EIF2AK1: variants seen among roughly 807,000 people sequenced by gnomAD.
EIF2AK1 encodes eukaryotic translation initiation factor 2 alpha kinase 1, also known as eukaryotic translation initiation factor 2-alpha kinase 1.
A neutral mutation model predicts 77.9 loss-of-function variants in EIF2AK1; 54 were observed. That is an observed-to-expected ratio of 0.69 (90% CI 0.56 to 0.87). EIF2AK1 has a LOEUF of 0.87. Ranked by LOEUF, EIF2AK1 falls within the 40% of genes least tolerant of loss-of-function variation. The pLI is 0.00. For synonymous variants in EIF2AK1, 314 were observed against 290.5 expected (o/e 1.08, Z -0.82); for missense variants, 810 against 768.6 (o/e 1.05, Z -0.64).
At chr7:6,048,697 A>T in intron 4 of EIF2AK1, 110 bp downstream of exon 4, 1 of 899,544 alleles carries the variant, frequency 1.1e-6, no homozygotes, top group Non-Finnish European at 1.7e-6. Flanking sequence ...AAAGTTTTTA[A>T]TGTTCATAAA....
chr7:6,057,118 C>A (rs1245055189), intron 1 of EIF2AK1, among the ~76,000 whole-genome samples: 1 of 149,016 alleles, frequency 6.7e-6, no homozygotes, highest in Admixed American at 6.8e-5. Context: ...CAAAAGGAGA[C>A]CCCATCTCTT....
At chr7:6,056,099 C>G (rs891894261) in intron 1 of EIF2AK1, among the ~76,000 whole-genome samples, 5 of 151,076 alleles carry the variant, frequency 3.3e-5, no homozygotes, top group Non-Finnish European at 7.4e-5. Flanking sequence ...TCAGGACCAG[C>G]CTGGCCAACA....
chr7:6,028,071 C>A (rs1157926441), intron 13 of EIF2AK1: 2 of 354,930 alleles, frequency 5.6e-6, no homozygotes, highest in South Asian at 2.1e-5. Context: ...TCAAAAACAA[C>A]AAATGAACAA....
chr7:6,045,231 G>A (rs187406441), intron 6 of EIF2AK1, among the ~76,000 whole-genome samples: 168 of 151,348 alleles, frequency 1.1e-3, no homozygotes, highest in African/African-American at 3.6e-3. Context: ...TCAGCCTCCC[G>A]AGCAGCTGGG....
intron 8 of EIF2AK1, among the ~76,000 whole-genome samples, chr7:6,042,387 G>T (rs1432484843): frequency 1.3e-5 from 2 of 151,350 alleles, no homozygotes; most frequent in Non-Finnish European, 1.5e-5. Context: ...GGAGGCAGAG[G>T]TTGCAGTGAG....
At chr7:6,056,524 G>A (rs1400576207) in intron 1 of EIF2AK1, among the ~76,000 whole-genome samples, 1 of 147,024 alleles carries the variant, frequency 6.8e-6, no homozygotes, top group Non-Finnish European at 1.5e-5. Flanking sequence ...ACCTGGAGGG[G>A]CGGAGGTTGC....
intron 1 of EIF2AK1, among the ~76,000 whole-genome samples, chr7:6,055,013 A>C (rs1437824164): frequency 1.3e-5 from 2 of 152,138 alleles, no homozygotes; most frequent in East Asian, 1.9e-4. Context: ...CCTTCCTTTG[A>C]GAAGACAGCC....
intron 11 of EIF2AK1, chr7:6,031,430 T>A (rs1470619949): frequency 1.5e-5 from 24 of 1,550,722 alleles, no homozygotes; most frequent in Non-Finnish European, 2.0e-5. Flanking sequence ...CAGTGCCAAG[T>A]CCCTGGAAGA....
Position 6,059,174 on chromosome 7 carries a change from G to T in EIF2AK1, c.-91C>A. 2 of 873,582 alleles carry T rather than the reference G, an allele frequency of 2.3e-6. No homozygotes were observed. Among genetic ancestry groups the T allele is most frequent in the Non-Finnish European group, 1.6e-6 (1 of 632,794 alleles). 54.1% of individuals were successfully genotyped at this position (873,582 alleles called of 1,614,324 possible). ...GCAGCTAGCGCCGTCCGACCCGGAA[G>T]TAACCCCTCACCAGACGGAAAACCA... On this transcript the variant is annotated 5_prime_UTR_variant, in exon 1 of 15. Coordinates refer to ENST00000199389, the MANE Select transcript of EIF2AK1 (RefSeq NM_014413.4).
chr7:6,031,671 C>A, intron 11 of EIF2AK1: 5 of 1,371,360 alleles, frequency 3.6e-6, no homozygotes, highest in Non-Finnish European at 4.0e-6. Context: ...CTGGTGAACC[C>A]ACTAAGCTCA....
At chr7:6,051,896 G>A (rs1583498072) in intron 2 of EIF2AK1, among the ~76,000 whole-genome samples, 2 of 152,054 alleles carry the variant, frequency 1.3e-5, no homozygotes, top group South Asian at 4.1e-4. Flanking sequence ...ATCTAGACTG[G>A]GCATGGTGGC....
In EIF2AK1 at chr7:6,056,628, A is replaced by ATATG. The variant is rs1554324728; in HGVS notation, c.119-1925_119-1924insCATA. The stretch of plus-strand genomic sequence containing the variant: ...AAAAAAAAAAAATATATATATATAT[A>ATATG]TATATATAAACTCTGTCTGGACATT... On this transcript the variant is annotated intron_variant, in intron 1 of 14. Coordinates refer to ENST00000199389, the MANE Select transcript of EIF2AK1 (RefSeq NM_014413.4). Among the ~76,000 whole-genome samples, 349 of 75,908 alleles carry ATATG rather than the reference A, an allele frequency of 4.6e-3. 23 individuals are homozygous for ATATG. The highest frequency in any genetic ancestry group is 0.037 in the Middle Eastern group (5 of 134). 49.8% of individuals were successfully genotyped at this position (75,908 alleles called of 152,430 possible). A position where few individuals can be genotyped will look rare whatever the true frequency, so the allele number is the denominator to read the frequency against.
Position 6,047,826 on chromosome 7 carries a change from C to T in EIF2AK1, c.450-735G>A, listed in dbSNP as rs575885571. 3 of 152,490 alleles carry T rather than the reference C, an allele frequency of 2.0e-5. 1 individual carries two copies. Among genetic ancestry groups the T allele is most frequent in the East Asian group, 1.9e-4 (1 of 5,184 alleles). 9.4% of individuals were successfully genotyped at this position (152,490 alleles called of 1,614,324 possible). A position where few individuals can be genotyped will look rare whatever the true frequency, so the allele number is the denominator to read the frequency against. On this transcript the variant is annotated intron_variant, in intron 4 of 14. Transcript: ENST00000199389. Reference sequence around the variant, plus strand: ...GAGTACTGACCTGCTCTGTTTCCAACCTGGGCTAGTTCACTCCTCCTTAGG... The same window carrying T: ...GAGTACTGACCTGCTCTGTTTCCAATCTGGGCTAGTTCACTCCTCCTTAGG...
chr7:6,024,599 A>G lies in EIF2AK1; in HGVS notation c.*74T>C. On this transcript the variant is annotated 3_prime_UTR_variant, in exon 15 of 15. Coordinates refer to ENST00000199389, the MANE Select transcript of EIF2AK1 (RefSeq NM_014413.4). ...AAAGGCTTACTAAATACAACGAAGC[A>G]TTGTACCAACTATACCCTAATAAAG... The G allele has an allele frequency of 1.2e-6, 2 of 1,601,046 alleles. No individual in the cohort carries two copies. The highest frequency in any genetic ancestry group is 1.7e-6 in the Non-Finnish European group (2 of 1,176,106).
At position 6,041,104 on chromosome 7, in the gene EIF2AK1, T is replaced by A. The variant is rs775198037; in HGVS notation, c.907A>T (p.Lys303Ter). 10 of 1,614,120 alleles carry A rather than the reference T, an allele frequency of 6.2e-6. No homozygotes were observed. Among genetic ancestry groups the A allele is most frequent in the Non-Finnish European group, 7.6e-6 (9 of 1,180,026 alleles). The change falls in exon 9 of 15, where the codon AAG (lysine) becomes TAG (stop). Residue 303 changes from lysine to a stop codon, truncating the protein, a stop_gained. Transcript: ENST00000199389. LOFTEE classifies it high-confidence loss of function. The stretch of plus-strand genomic sequence containing the variant: ...AAATTGGTGGTGTACTTCACCGACT[T>A]GTTATTCTGATTTTCAGTGTCAGAT... ...GESDTENQNN[K>*]SVKYTTNLVI...
rs867975463 is a variant in EIF2AK1, at chr7:6,036,187, G to C, written c.1332+1237C>G. ...AATAACCAAGGAATTCTACCTGCAGGAATCATGCTACCAGAATTCCGCCTC... is the reference window on the plus strand; with the variant it reads ...AATAACCAAGGAATTCTACCTGCAGCAATCATGCTACCAGAATTCCGCCTC... On this transcript the variant is annotated intron_variant, in intron 11 of 14. Coordinates refer to ENST00000199389, the MANE Select transcript of EIF2AK1 (RefSeq NM_014413.4). This position sits in a 1 kb window ranked among gnomAD's most constrained non-coding sequence, Gnocchi z 4.6. 3 of 1,549,582 alleles carry C rather than the reference G, an allele frequency of 1.9e-6. No individual in the cohort carries two copies. In the African/African-American group the frequency reaches 4.1e-5, roughly 21 times the overall value.
rs1788024109 is a variant in EIF2AK1, at chr7:6,034,630, A to C, written c.1332+2794T>G. Among the ~76,000 whole-genome samples the C allele has an allele frequency of 2.0e-5, 3 of 152,226 alleles. No individual in the cohort carries two copies. In the South Asian group the frequency reaches 6.2e-4, roughly 32 times the overall value. On this transcript the variant is annotated intron_variant, in intron 11 of 14. Transcript: ENST00000199389. ...TATAAGCCCTACAAAGGTAGGGGCC[A>C]CCTGCTGTTTCACCATATCCATAGC...
At chr7:6,039,222 T>G (rs999063681) in intron 9 of EIF2AK1, among the ~76,000 whole-genome samples, 6 of 152,010 alleles carry the variant, frequency 3.9e-5, no homozygotes, top group African/African-American at 9.7e-5. Context: ...CTAAGAAAAT[T>G]TTCCAAATAA....
At chr7:6,042,489 G>T (rs1434099765) in intron 8 of EIF2AK1, among the ~76,000 whole-genome samples, 3 of 151,730 alleles carry the variant, frequency 2.0e-5, no homozygotes, top group Non-Finnish European at 4.4e-5. Context: ...ATATCTGAAA[G>T]GAAGAAATAA....
Sources: allele counts gnomAD v4.1 joint callset (sites outside exome capture counted in the v4.1 genomes callset), GRCh38; gene constraint gnomAD v4.1.1; non-coding constraint Gnocchi (gnomAD v3.1); transcripts MANE v1.5; gene names NCBI Gene and HGNC (gene_info 2026-07-23, HGNC 2026-07-21).